The following ADGRL4 variants were observed in gnomAD, a reference collection of about 807,000 sequenced individuals.
ADGRL4 encodes the protein adhesion G protein-coupled receptor L4, also known as EGF, latrophilin and seven transmembrane domain containing 1.
ADGRL4 carries 90 observed loss-of-function variants against 74.8 expected under a neutral mutation model. That is an observed-to-expected ratio of 1.20 (90% CI 1.02 to 1.43). The LOEUF (loss-of-function observed/expected upper bound fraction) is 1.43. ADGRL4 is among the 40% of genes most tolerant of loss of function. The probability of loss-of-function intolerance (pLI) is 0.00; values close to 1 mark genes in which losing one functional copy is unlikely to be tolerated. For synonymous variants in ADGRL4, 311 were observed against 279.2 expected (o/e 1.11, Z -1.14); for missense variants, 881 against 814.3 (o/e 1.08, Z -1.00).
chr1:79,001,027 A>G (rs920806249), intron 2 of ADGRL4, among the ~76,000 whole-genome samples: 1 of 152,090 alleles, frequency 6.6e-6, no homozygotes, highest in Non-Finnish European at 1.5e-5. Flanking sequence ...TATACTTGTA[A>G]TTTTTGAAAT....
chr1:78,902,919 C>T (rs1648548278), intron 12 of ADGRL4, among the ~76,000 whole-genome samples: 1 of 151,992 alleles, frequency 6.6e-6, no homozygotes, highest in East Asian at 1.9e-4. Flanking sequence ...TGGTGAACAA[C>T]AAAGCTTTCC....
chr1:79,001,670 G>A (rs992943936), intron 2 of ADGRL4, among the ~76,000 whole-genome samples: 1 of 152,084 alleles, frequency 6.6e-6, no homozygotes, highest in African/African-American at 2.4e-5. Flanking sequence ...TAATCCACTA[G>A]GATATGATAA....
chr1:78,955,875 A>G (rs1021769530), intron 2 of ADGRL4, among the ~76,000 whole-genome samples: 37 of 152,150 alleles, frequency 2.4e-4, no homozygotes, highest in African/African-American at 8.9e-4. Flanking sequence ...TCATCAGTGC[A>G]ATAAAATATT....
intron 2 of ADGRL4, among the ~76,000 whole-genome samples, chr1:78,988,476 C>T (rs1570274028): frequency 6.6e-6 from 1 of 151,850 alleles, no homozygotes; most frequent in Non-Finnish European, 1.5e-5. Context: ...ATTAGATCAT[C>T]TACAGTTAAC....
At chr1:78,919,300 C>T (rs1648948183) in intron 10 of ADGRL4, among the ~76,000 whole-genome samples, 1 of 151,960 alleles carries the variant, frequency 6.6e-6, no homozygotes, top group Admixed American at 6.6e-5. Context: ...GCTTCAGCCG[C>T]AGCTGTAGGA....
chr1:78,898,511 A>ATT (rs553905904), intron 12 of ADGRL4, among the ~76,000 whole-genome samples: 150 of 144,798 alleles, frequency 1.0e-3, no homozygotes, highest in Non-Finnish European at 1.5e-3. Context: ...CTTTTGTCTC[A>ATT]TTTTTTTTTT....
intron 8 of ADGRL4, among the ~76,000 whole-genome samples, chr1:78,925,672 T>C (rs2100676320): frequency 6.6e-6 from 1 of 152,174 alleles, no homozygotes; most frequent in African/African-American, 2.4e-5. Flanking sequence ...ACTTATTGAA[T>C]GGAAAATATA....
At chr1:78,916,164 T>C (rs1221685266) in intron 12 of ADGRL4, among the ~76,000 whole-genome samples, 1 of 151,922 alleles carries the variant, frequency 6.6e-6, no homozygotes, top group Non-Finnish European at 1.5e-5. Flanking sequence ...CAAATTAGCC[T>C]TACACAAGCA....
At chr1:78,930,682 CT>C (rs2100681023) in intron 7 of ADGRL4, among the ~76,000 whole-genome samples, 1 of 151,136 alleles carries the variant, frequency 6.6e-6, no homozygotes, top group South Asian at 2.1e-4. Flanking sequence ...AACTCCTGAC[CT>C]CATGATCCAC....
At position 78,921,553 on chromosome 1, in the gene ADGRL4, G is replaced by C. The variant is rs1649000320; in HGVS notation, c.1257+60C>G. On this transcript the variant is annotated intron_variant, in intron 9 of 14. Coordinates refer to ENST00000370742, the MANE Select transcript of ADGRL4 (RefSeq NM_022159.4). Reference sequence around the variant, plus strand: ...TAAAAAATTAAATATTGTCTCGAATGATGCGGAAAAAAAACAGAAAAAGCA... The same window carrying C: ...TAAAAAATTAAATATTGTCTCGAATCATGCGGAAAAAAAACAGAAAAAGCA... 2.8e-6 allele frequency: 3 copies of C among 1,067,422 alleles called. No homozygotes were observed. In the South Asian group the frequency reaches 7.8e-5, roughly 28 times the overall value. 66.1% of individuals were successfully genotyped at this position (1,067,422 alleles called of 1,614,324 possible). A position where few individuals can be genotyped will look rare whatever the true frequency, so the allele number is the denominator to read the frequency against.
intron 2 of ADGRL4, among the ~76,000 whole-genome samples, chr1:78,951,907 T>C (rs1179398778): frequency 6.6e-6 from 1 of 152,174 alleles, no homozygotes; most frequent in East Asian, 1.9e-4. Flanking sequence ...AAGAGTTATA[T>C]TGAGTCCCCT....
At chr1:78,977,214 C>A (rs12125913) in intron 2 of ADGRL4, among the ~76,000 whole-genome samples, 1 of 151,558 alleles carries the variant, frequency 6.6e-6, no homozygotes, top group Non-Finnish European at 1.5e-5. Context: ...TTGACAAAAA[C>A]CCAACATCCA....
chr1:78,949,231 G>T (rs1021021928), intron 2 of ADGRL4, among the ~76,000 whole-genome samples: 1 of 152,028 alleles, frequency 6.6e-6, no homozygotes, highest in African/African-American at 2.4e-5. Flanking sequence ...CTAACTGATT[G>T]TTTGTAAAAA....
chr1:78,919,400 CT>C (rs936794714), intron 10 of ADGRL4, among the ~76,000 whole-genome samples: 2 of 151,918 alleles, frequency 1.3e-5, no homozygotes, highest in African/African-American at 4.8e-5. Context: ...AAGGATTCCT[CT>C]TACAAAGGAT....
At chr1:78,930,934 C>T (rs1264526784) in intron 7 of ADGRL4, among the ~76,000 whole-genome samples, 1 of 151,230 alleles carries the variant, frequency 6.6e-6, no homozygotes, top group Non-Finnish European at 1.5e-5. Flanking sequence ...AATTTTGATA[C>T]AATTTTTAAA....
At chr1:78,953,293 A>G (rs1393610789) in intron 2 of ADGRL4, among the ~76,000 whole-genome samples, 1 of 152,154 alleles carries the variant, frequency 6.6e-6, no homozygotes, top group Non-Finnish European at 1.5e-5. Flanking sequence ...GACTTACATG[A>G]TGGCTATGAA....
intron 8 of ADGRL4, among the ~76,000 whole-genome samples, chr1:78,925,656 G>T (rs923988471): frequency 6.6e-6 from 1 of 152,020 alleles, no homozygotes; most frequent in African/African-American, 2.4e-5. Context: ...TTTCATAACA[G>T]TCATTACTTA....
intron 2 of ADGRL4, among the ~76,000 whole-genome samples, chr1:78,959,586 T>C (rs1036487755): frequency 6.6e-6 from 1 of 152,198 alleles, no homozygotes; most frequent in Non-Finnish European, 1.5e-5. Flanking sequence ...TGTCAGAACA[T>C]TGCATGGACT....
chr1:78,945,296 C>T (rs17102479), intron 3 of ADGRL4, among the ~76,000 whole-genome samples: 4,521 of 151,468 alleles, frequency 0.03, 87 homozygotes, highest in South Asian at 0.052. Context: ...GCGCATTACC[C>T]TTCTCTATGT....
Sources: gnomAD v4.1 joint callset for allele counts (sites outside exome capture counted in the v4.1 genomes callset) on GRCh38, gnomAD v4.1.1 for gene constraint, MANE v1.5 for transcripts, NCBI Gene and HGNC (gene_info 2026-07-23, HGNC 2026-07-21) for gene names.